The following ABLIM1 variants were observed in gnomAD, a reference collection of about 807,000 sequenced individuals.
The protein encoded by ABLIM1 is actin binding LIM protein 1, also known as actin-binding LIM protein 1.
A neutral mutation model predicts 107.0 loss-of-function variants in ABLIM1; 40 were observed. The observed-to-expected ratio is 0.37, with a 90% CI of 0.29 to 0.49. The LOEUF (loss-of-function observed/expected upper bound fraction) is 0.49, where lower values mean the gene tolerates loss of function less well. ABLIM1 is among the 20% of genes least tolerant of loss of function. The pLI is 0.97. For synonymous variants in ABLIM1, 357 were observed against 357.3 expected (o/e 1.00, Z 0.01); for missense variants, 857 against 1,008.5 (o/e 0.85, Z 2.04).
intron 1 of ABLIM1, among the ~76,000 whole-genome samples, chr10:114,718,168 AAGGC>A (rs1484337434): frequency 6.6e-6 from 1 of 152,062 alleles, no homozygotes; most frequent in Admixed American, 6.5e-5. Flanking sequence ...AAAAGAAAGA[AAGGC>A]AGGCACTAAT....
At chr10:114,477,981 C>A (rs1477458219) in intron 8 of ABLIM1, among the ~76,000 whole-genome samples, 1 of 152,146 alleles carries the variant, frequency 6.6e-6, no homozygotes, top group African/African-American at 2.4e-5. Flanking sequence ...CTCGGCCTCC[C>A]AAAGTGCTGG....
In ABLIM1 at chr10:114,518,119, G is replaced by A. The variant is rs184628902; in HGVS notation, c.895-26241C>T. The stretch of plus-strand genomic sequence containing the variant: ...AATTGTAGAACAACATGCATAAAAC[G>A]GTCCTATTTGTATAAAAGAATACAT... On this transcript the variant is annotated intron_variant, in intron 6 of 22. Coordinates refer to ENST00000533213, the MANE Select transcript of ABLIM1 (RefSeq NM_002313.7). Among the ~76,000 whole-genome samples the A allele has an allele frequency of 6.6e-5, 10 of 152,176 alleles. No homozygotes were observed. The East Asian group carries it at 1.5e-3, about 24-fold the overall frequency.
intron 6 of ABLIM1, among the ~76,000 whole-genome samples, chr10:114,508,046 T>G (rs970537669): frequency 3.3e-5 from 5 of 152,230 alleles, no homozygotes; most frequent in Admixed American, 1.3e-4. Flanking sequence ...TGGGCCAGGC[T>G]TCCATCCCCG....
At chr10:114,697,888 T>C in intron 1 of ABLIM1, among the ~76,000 whole-genome samples, 1 of 152,318 alleles carries the variant, frequency 6.6e-6, no homozygotes, top group East Asian at 1.9e-4. Flanking sequence ...TTTAAAGTAA[T>C]GATTTTAAAT....
chr10:114,791,726 T>A, the ABLIM1 span, among the ~76,000 whole-genome samples: 1 of 151,624 alleles, frequency 6.6e-6, no homozygotes. Flanking sequence ...TTACTCTTAT[T>A]TCAATATATA....
At chr10:114,687,393 C>T (rs892040871), upstream of ABLIM1, among the ~76,000 whole-genome samples, 6 of 152,114 alleles carry the variant, frequency 3.9e-5, no homozygotes, top group Non-Finnish European at 8.8e-5. Context: ...AGTTTCAAAG[C>T]CAAAAATTTA....
chr10:114,787,566 T>G, the ABLIM1 span, among the ~76,000 whole-genome samples: 1 of 130,314 alleles, frequency 7.7e-6, no homozygotes, highest in Non-Finnish European at 1.6e-5. Context: ...AGCCACCCCG[T>G]CCGGGAGGGA....
chr10:114,756,292 A>G (rs1471147013), intron 1 of ABLIM1, among the ~76,000 whole-genome samples: 5 of 152,156 alleles, frequency 3.3e-5, no homozygotes, highest in African/African-American at 1.2e-4. Context: ...ATTTTTTCCA[A>G]CACTAAACTC....
intron 1 of ABLIM1, among the ~76,000 whole-genome samples, chr10:114,761,173 G>C (rs187555933): frequency 6.6e-6 from 1 of 151,832 alleles, no homozygotes; most frequent in South Asian, 2.1e-4. Flanking sequence ...GCAGAAGTAA[G>C]AGAGAAGAAA....
At chr10:114,700,687 G>A (rs1017971555) in intron 1 of ABLIM1, among the ~76,000 whole-genome samples, 42 of 152,034 alleles carry the variant, frequency 2.8e-4, no homozygotes, top group South Asian at 4.2e-4. Context: ...AATTCAATGA[G>A]GAAGGGAATC....
upstream of ABLIM1, among the ~76,000 whole-genome samples, chr10:114,769,123 C>T (rs1470029192): frequency 8.0e-6 from 1 of 124,658 alleles, no homozygotes; most frequent in African/African-American, 3.1e-5. Flanking sequence ...CACTTGAGGT[C>T]AGGAGTTCAA....
chr10:114,515,424 G>A (rs1052498409), intron 6 of ABLIM1, among the ~76,000 whole-genome samples: 47 of 152,180 alleles, frequency 3.1e-4, no homozygotes, highest in African/African-American at 1.1e-3. Context: ...CACCATGGTT[G>A]AGAATCCCTG....
intron 2 of ABLIM1, among the ~76,000 whole-genome samples, chr10:114,596,922 T>C (rs921402583): frequency 1.3e-5 from 2 of 152,160 alleles, no homozygotes; most frequent in African/African-American, 4.8e-5. Flanking sequence ...TGACAAGGTA[T>C]ACATGTGAAG....
intron 8 of ABLIM1, among the ~76,000 whole-genome samples, chr10:114,479,050 T>C (rs1217831806): frequency 6.6e-6 from 1 of 152,232 alleles, no homozygotes; most frequent in African/African-American, 2.4e-5. Flanking sequence ...CTACTAGTTG[T>C]TTGATGTTAC....
chr10:114,542,973 G>C (rs1456868321), intron 6 of ABLIM1, among the ~76,000 whole-genome samples: 1 of 152,130 alleles, frequency 6.6e-6, no homozygotes. Context: ...AATAATTAAA[G>C]CTTTATTGGA....
At chr10:114,700,900 AT>A (rs1402104522) in intron 1 of ABLIM1, among the ~76,000 whole-genome samples, 3 of 152,154 alleles carry the variant, frequency 2.0e-5, no homozygotes, top group African/African-American at 7.2e-5. Flanking sequence ...GGATAGGATA[AT>A]AAAATCACAA....
intron 2 of ABLIM1, among the ~76,000 whole-genome samples, chr10:114,577,911 C>T (rs1429909970): frequency 6.6e-6 from 1 of 152,148 alleles, no homozygotes; most frequent in Non-Finnish European, 1.5e-5. Context: ...CTAAAATATA[C>T]TTAACATTAT....
intron 1 of ABLIM1, among the ~76,000 whole-genome samples, chr10:114,674,047 T>C (rs1414163558): frequency 1.3e-5 from 2 of 152,122 alleles, no homozygotes; most frequent in Non-Finnish European, 2.9e-5. Flanking sequence ...CTCAGAACTT[T>C]GGGAGGCCGA....
At chr10:114,638,454 G>T (rs932766956) in intron 1 of ABLIM1, among the ~76,000 whole-genome samples, 2 of 152,118 alleles carry the variant, frequency 1.3e-5, no homozygotes, top group Admixed American at 1.3e-4. Flanking sequence ...GTCTCTACAT[G>T]TATCACCTCA....
Sources: gnomAD v4.1 joint callset for allele counts (sites outside exome capture counted in the v4.1 genomes callset) on GRCh38, gnomAD v4.1.1 for gene constraint, MANE v1.5 for transcripts, NCBI Gene and HGNC (gene_info 2026-07-23, HGNC 2026-07-21) for gene names.